Variants in BAZ2B observed in about 807,000 individuals in gnomAD.
BAZ2B encodes the protein bromodomain adjacent to zinc finger domain protein 2B.
In BAZ2B, 91 loss-of-function variants were observed where a neutral mutation model predicts 246.0. The observed-to-expected ratio is 0.37, with a 90% CI of 0.31 to 0.44. BAZ2B has a LOEUF of 0.44. Ranked by LOEUF, BAZ2B falls within the 20% of genes least tolerant of loss-of-function variation. The pLI, the probability that BAZ2B is intolerant of heterozygous loss-of-function variation, is 1.00. For missense variants in BAZ2B, 2,332 were observed against 2,533.7 expected, an observed-to-expected ratio of 0.92 and a Z score of 1.71; for synonymous variants, 855 against 860.0, an observed-to-expected ratio of 0.99 and a Z score of 0.10.
At chr2:159,432,733 T>C (rs774392819) in intron 9 of BAZ2B, 24 bp downstream of exon 9, 7 of 1,596,608 alleles carry the variant, frequency 4.4e-6, no homozygotes, top group Non-Finnish European at 6.0e-6. Context: ...AGAGAAATAC[T>C]TTAAATTTTA....
chr2:159,675,283 T>C, the BAZ2B span, among the ~76,000 whole-genome samples: 1 of 151,732 alleles, frequency 6.6e-6, no homozygotes, highest in African/African-American at 2.4e-5. Context: ...ATCACACTTC[T>C]TCAGTTAAAA....
the BAZ2B span, among the ~76,000 whole-genome samples, chr2:159,633,978 G>A: frequency 6.6e-6 from 1 of 152,034 alleles, no homozygotes; most frequent in Admixed American, 6.6e-5. Context: ...GACCTCAGGT[G>A]ATCTACCCAC....
At chr2:159,389,514 C>T (rs760654182) in intron 20 of BAZ2B, 29 bp from the exon 21 acceptor site, 2 of 1,534,262 alleles carry the variant, frequency 1.3e-6, no homozygotes, top group East Asian at 2.3e-5. Context: ...TACACATATT[C>T]TTCTTAATCA....
At chr2:159,325,049 ATATATATATATTATATATATATATATAT>A (rs2063321546) in intron 35 of BAZ2B, 95 bp from the exon 36 acceptor site, 8 of 5,514 alleles carry the variant, frequency 1.5e-3, no homozygotes, top group Non-Finnish European at 4.4e-3. Context: ...TATATTATAT[ATATATATATATTATATATATATATATAT>A]TATATATATA....
At chr2:159,600,578 C>G (rs1691904839) in intron 1 of BAZ2B, among the ~76,000 whole-genome samples, 1 of 152,150 alleles carries the variant, frequency 6.6e-6, no homozygotes, top group Admixed American at 6.5e-5. Flanking sequence ...GTCCCGAAAT[C>G]CACCAAACAG....
chr2:159,399,916 C>G (rs773243750), intron 17 of BAZ2B, among the ~76,000 whole-genome samples: 13 of 152,208 alleles, frequency 8.5e-5, no homozygotes, highest in South Asian at 2.1e-4. Context: ...CTTGATGACT[C>G]AGGGCAACTA....
intron 35 of BAZ2B, among the ~76,000 whole-genome samples, 186 bp from the exon 36 acceptor site, chr2:159,325,140 T>C (rs1320732703): frequency 2.9e-5 from 2 of 69,404 alleles, no homozygotes; most frequent in Non-Finnish European, 5.2e-5. Context: ...TATATATATA[T>C]ATATATATGA....
At chr2:159,370,679 T>C (rs137949101) in intron 27 of BAZ2B, among the ~76,000 whole-genome samples, 27 of 151,926 alleles carry the variant, frequency 1.8e-4, no homozygotes, top group African/African-American at 6.0e-4. Context: ...GCCCAGGCTC[T>C]GTACTTCTAA....
At chr2:159,339,710 A>G (rs1326225452) in intron 31 of BAZ2B, among the ~76,000 whole-genome samples, 1 of 152,222 alleles carries the variant, frequency 6.6e-6, no homozygotes, top group Non-Finnish European at 1.5e-5. Flanking sequence ...AATGCAGTAT[A>G]TTTATAGGAT....
At chr2:159,642,238 CTTTTTTT>C in the BAZ2B span, among the ~76,000 whole-genome samples, 4 of 131,728 alleles carry the variant, frequency 3.0e-5, no homozygotes, top group South Asian at 2.4e-4. Context: ...TTCTTTCTTT[CTTTTTTT>C]TTTTTTTTTT....
the BAZ2B span, among the ~76,000 whole-genome samples, chr2:159,669,032 G>A: frequency 6.6e-6 from 1 of 151,186 alleles, no homozygotes; most frequent in Non-Finnish European, 1.5e-5. Flanking sequence ...TTCCAGTCTG[G>A]GCAACACAGC....
chr2:159,395,841 G>T lies in BAZ2B; in HGVS notation c.3010-7C>A, dbSNP rs751059013. On this transcript the variant is annotated splice_polypyrimidine_tract_variant and splice_region_variant and intron_variant, in intron 19 of 36. Coordinates refer to ENST00000392783, the MANE Select transcript of BAZ2B (RefSeq NM_013450.4). Reference sequence around the variant, plus strand: ...GTCGCCTTCGCTCTCGTTCCTATTAGGCCAGATAAAATGTGGAAAATAACT... The same window carrying T: ...GTCGCCTTCGCTCTCGTTCCTATTATGCCAGATAAAATGTGGAAAATAACT... The T allele has an allele frequency of 6.2e-7, 1 of 1,600,308 alleles. No homozygotes were observed. The highest frequency in any genetic ancestry group is 8.5e-7 in the Non-Finnish European group (1 of 1,174,216).
chr2:159,439,041 C>G lies in BAZ2B; in HGVS notation c.868G>C (p.Glu290Gln), dbSNP rs182098200. Residue 290 changes from glutamate (E) to glutamine (Q), a missense_variant, in exon 7 of 37, where the codon GAG becomes CAG. Physicochemically the swap from Glu to Gln is conservative, Grantham distance 29. Transcript: ENST00000392783. ...TTACTTTTATGTTGTGCTTCACTCT[C>G]TGAATCAGAATCATCATCTTCACTT... Reference protein sequence around the residue: ...EESEDDDSDSESEAQHKSNNQ... With the variant: ...EESEDDDSDSQSEAQHKSNNQ... 6.2e-7 allele frequency: 1 copy of G among 1,613,782 alleles called. No individual in the cohort carries two copies. The highest frequency in any genetic ancestry group is 1.7e-5 in the Admixed American group (1 of 60,008).
chr2:159,405,218 ACT>A lies in BAZ2B; in HGVS notation c.2678-106_2678-105del, dbSNP rs541358702. 4,899 of 907,818 alleles carry A rather than the reference ACT, an allele frequency of 5.4e-3. 1 individual carries two copies. Among genetic ancestry groups the A allele is most frequent in the Non-Finnish European group, 6.0e-3 (3,743 of 624,468 alleles). The allele number at this position is 907,818 out of a possible 1,614,324, so 56.2% of individuals were successfully genotyped here. Reference sequence around the variant, plus strand: ...TATCATCATAAAGGATATAATTATTACTTTTTTTTTTGAGATGAAGTCTCGCT... The same window carrying A: ...TATCATCATAAAGGATATAATTATTATTTTTTTTTGAGATGAAGTCTCGCT... On this transcript the variant is annotated intron_variant, in intron 14 of 36. Transcript: ENST00000392783.
At chr2:159,360,848 G>A (rs1264504229) in intron 27 of BAZ2B, among the ~76,000 whole-genome samples, 1 of 152,146 alleles carries the variant, frequency 6.6e-6, no homozygotes, top group Non-Finnish European at 1.5e-5. Flanking sequence ...CAAGCAATGG[G>A]GAAAGGATTC....
intron 27 of BAZ2B, among the ~76,000 whole-genome samples, chr2:159,355,739 C>T (rs989947812): frequency 6.6e-6 from 1 of 152,160 alleles, no homozygotes; most frequent in Non-Finnish European, 1.5e-5. Context: ...CAGCTCCCAG[C>T]GAGATCAACA....
At chr2:159,450,162 G>A (rs2074853879) in intron 4 of BAZ2B, among the ~76,000 whole-genome samples, 1 of 152,064 alleles carries the variant, frequency 6.6e-6, no homozygotes, top group East Asian at 1.9e-4. Flanking sequence ...AAATATTTTA[G>A]ACATAATCAA....
chr2:159,531,721 C>G (rs561584509), intron 2 of BAZ2B, among the ~76,000 whole-genome samples: 8 of 152,184 alleles, frequency 5.3e-5, no homozygotes, highest in African/African-American at 1.9e-4. Flanking sequence ...TCAATGATTT[C>G]CAACCATTCT....
chr2:159,536,270 G>A (rs2085975289), intron 2 of BAZ2B: 1 of 151,994 alleles, frequency 6.6e-6, no homozygotes, highest in South Asian at 2.1e-4. Context: ...AAAGTAGTGG[G>A]AGTGGAGAAA....
Sources: allele counts gnomAD v4.1 joint callset (sites outside exome capture counted in the v4.1 genomes callset), GRCh38; gene constraint gnomAD v4.1.1; transcripts MANE v1.5; gene names NCBI Gene and HGNC (gene_info 2026-07-23, HGNC 2026-07-21).